TNPO1: variants seen among roughly 807,000 people sequenced by gnomAD.
TNPO1 encodes transportin-1.
Under a neutral mutation model 119.5 loss-of-function variants are expected in TNPO1, and 8 were observed. The observed-to-expected ratio is 0.07, with a 90% CI of 0.04 to 0.12. The LOEUF (loss-of-function observed/expected upper bound fraction) is 0.12, where lower values mean the gene tolerates loss of function less well. Among genes scored for constraint, TNPO1 ranks in the 10% least tolerant of loss-of-function variants. The pLI, the probability that TNPO1 is intolerant of heterozygous loss-of-function variation, is 1.00. For synonymous variants in TNPO1, 362 were observed against 363.0 expected (o/e 1.00, Z 0.03); for missense variants, 576 against 1,089.8 (o/e 0.53, Z 6.64).
chr5:72,859,752 T>C (rs1746283138), intron 4 of TNPO1, among the ~76,000 whole-genome samples: 1 of 152,246 alleles, frequency 6.6e-6, no homozygotes, highest in African/African-American at 2.4e-5. Flanking sequence ...AGGATTAATT[T>C]GTGTATTTGG....
chr5:72,892,991 T>C, intron 15 of TNPO1, 148 bp from the exon 16 acceptor site: 1 of 432,896 alleles, frequency 2.3e-6, no homozygotes, highest in Non-Finnish European at 4.0e-6. Flanking sequence ...AAAGAGAGGG[T>C]TGGGGTGGGG....
At chr5:72,866,706 A>G (rs1746933752) in intron 6 of TNPO1, among the ~76,000 whole-genome samples, 2 of 152,146 alleles carry the variant, frequency 1.3e-5, no homozygotes, top group Admixed American at 1.3e-4. Context: ...GTGGACTGAG[A>G]TTGTACCACT....
chr5:72,858,034 A>G (rs1371075168), intron 4 of TNPO1, among the ~76,000 whole-genome samples: 1 of 152,196 alleles, frequency 6.6e-6, no homozygotes, highest in Non-Finnish European at 1.5e-5. Context: ...CTTTCATTTT[A>G]GTTTATGTTA....
chr5:72,908,190 C>T (rs1010484063), intron 24 of TNPO1, among the ~76,000 whole-genome samples: 3 of 152,026 alleles, frequency 2.0e-5, no homozygotes, highest in Non-Finnish European at 2.9e-5. Flanking sequence ...GCTTAAAATA[C>T]CAGACAACCC....
intron 7 of TNPO1, among the ~76,000 whole-genome samples, chr5:72,873,836 A>G (rs1747579151): frequency 6.6e-6 from 1 of 152,110 alleles, no homozygotes; most frequent in Admixed American, 6.5e-5. Flanking sequence ...TTATAAACCT[A>G]GTTGATATAA....
At chr5:72,848,166 C>T (rs1437311683) in intron 1 of TNPO1, 3 of 1,214,990 alleles carry the variant, frequency 2.5e-6, no homozygotes, top group Non-Finnish European at 3.1e-6. Flanking sequence ...GCGGCGGCAG[C>T]AGCAGCAGAC....
intron 3 of TNPO1, among the ~76,000 whole-genome samples, chr5:72,852,458 C>T (rs1257265097): frequency 2.0e-5 from 3 of 152,092 alleles, no homozygotes; most frequent in African/African-American, 4.8e-5. Context: ...GTATTCCCTC[C>T]CTGAAACATT....
intron 6 of TNPO1, among the ~76,000 whole-genome samples, chr5:72,866,439 CT>C: frequency 6.6e-6 from 1 of 152,264 alleles, no homozygotes; most frequent in Non-Finnish European, 1.5e-5. Context: ...ACATACTTCA[CT>C]TTTTGTGACT....
chr5:72,819,970 A>G (rs939551698), intron 1 of TNPO1, among the ~76,000 whole-genome samples: 2 of 152,234 alleles, frequency 1.3e-5, no homozygotes, highest in Admixed American at 1.3e-4. Flanking sequence ...TCAGAAAACT[A>G]TAGAAAACCA....
At chr5:72,865,791 T>C in intron 6 of TNPO1, 62 bp downstream of exon 6, 2 of 1,487,738 alleles carry the variant, frequency 1.3e-6, no homozygotes, top group South Asian at 1.2e-5. Flanking sequence ...TATCTTAGTT[T>C]TCATTACCTA....
intron 7 of TNPO1, 54 bp from the exon 8 acceptor site, chr5:72,875,561 T>A (rs80134233): frequency 5.7e-6 from 9 of 1,572,478 alleles, no homozygotes; most frequent in South Asian, 1.1e-5. Context: ...AGATTACTTA[T>A]TACTTGTGTG....
At chr5:72,862,032 A>C in intron 5 of TNPO1, 118 bp downstream of exon 5, 1 of 646,124 alleles carries the variant, frequency 1.5e-6, no homozygotes, top group Non-Finnish European at 2.7e-6. Context: ...AAAACTTAGA[A>C]ACCTAAAGTT....
At chr5:72,848,761 CG>C (rs1417494350) in intron 2 of TNPO1, among the ~76,000 whole-genome samples, 29 of 143,334 alleles carry the variant, frequency 2.0e-4, no homozygotes, top group African/African-American at 7.0e-4. Flanking sequence ...GCGCAGGAGG[CG>C]GGGGCCCCCG....
intron 1 of TNPO1, among the ~76,000 whole-genome samples, chr5:72,829,149 A>G (rs767842109): frequency 2.0e-5 from 3 of 152,202 alleles, no homozygotes; most frequent in Non-Finnish European, 2.9e-5. Flanking sequence ...TTTATTAGAA[A>G]ATATTGTGAG....
At chr5:72,835,336 G>A (rs1389576802) in intron 1 of TNPO1, among the ~76,000 whole-genome samples, 1 of 152,122 alleles carries the variant, frequency 6.6e-6, no homozygotes, top group African/African-American at 2.4e-5. Context: ...GTCTGTTGCT[G>A]TTGCAAAATA....
intron 5 of TNPO1, 55 bp from the exon 6 acceptor site, chr5:72,865,530 CTTCAGTTTGTT>C (rs1257753197): frequency 2.1e-4 from 322 of 1,535,646 alleles, no homozygotes; most frequent in Non-Finnish European, 2.8e-4. Context: ...AATCAGCATT[CTTCAGTTTGTT>C]TTCAAATGGC....
chr5:72,847,128 C>T (rs1205916613), intron 1 of TNPO1, among the ~76,000 whole-genome samples: 2 of 151,118 alleles, frequency 1.3e-5, no homozygotes, highest in Non-Finnish European at 2.9e-5. Context: ...AGATTACAGG[C>T]TATTAAGCAG....
At position 72,897,204 on chromosome 5, in the gene TNPO1, T is replaced by TTTAATA. The variant is rs1749494315; in HGVS notation, c.2338+55_2338+60dup. On this transcript the variant is annotated intron_variant, in intron 20 of 24. Transcript: ENST00000337273. ...AAGAGAAAATTTGTTGCCTTTTAAT[T>TTTAATA]TTAATATGCGTAGAGAAACCAAAGC... The TTTAATA allele has an allele frequency of 3.0e-6, 4 of 1,315,622 alleles. No homozygotes were observed. In the South Asian group the frequency reaches 5.2e-5, roughly 17 times the overall value. The allele number at this position is 1,315,622 out of a possible 1,614,324, so 81.5% of individuals were successfully genotyped here.
chr5:72,860,914 A>ATT (rs61301093), intron 4 of TNPO1, among the ~76,000 whole-genome samples: 5 of 144,300 alleles, frequency 3.5e-5, no homozygotes, highest in African/African-American at 1.0e-4. Flanking sequence ...ATAAATTAGA[A>ATT]TTTTTTTTTT....
Sources: allele counts gnomAD v4.1 joint callset (sites outside exome capture counted in the v4.1 genomes callset), GRCh38; gene constraint gnomAD v4.1.1; transcripts MANE v1.5; gene names NCBI Gene and HGNC (gene_info 2026-07-23, HGNC 2026-07-21).